ADGRB1: variants seen among roughly 807,000 people sequenced by gnomAD.
The protein encoded by ADGRB1 is brain-specific angiogenesis inhibitor 1.
ADGRB1 carries 36 observed loss-of-function variants against 175.7 expected under a neutral mutation model. The observed-to-expected ratio is 0.20, with a 90% CI of 0.16 to 0.27. The LOEUF (loss-of-function observed/expected upper bound fraction) is 0.27, where lower values mean the gene tolerates loss of function less well. Among genes scored for constraint, ADGRB1 ranks in the 10% least tolerant of loss-of-function variants. The pLI is 1.00. For missense variants in ADGRB1, 1,731 were observed against 2,255.3 expected (o/e 0.77, Z 4.71); for synonymous variants, 1,054 against 979.4 (o/e 1.08, Z -1.42).
chr8:142,543,513 C>G lies in ADGRB1; in HGVS notation c.4449+75C>G. ...TGGGCTCCCACACGGCCAGGCAGCT[C>G]CCCGGCAGCCAGGGGACGGGCGGGG... On this transcript the variant is annotated intron_variant, in intron 29 of 30. Coordinates refer to ENST00000517894, the MANE Select transcript of ADGRB1 (RefSeq NM_001702.3). The surrounding 1 kb of genome is among the most constrained non-coding windows in gnomAD (Gnocchi z 4.4). 1.9e-6 allele frequency: 3 copies of G among 1,606,074 alleles called. No homozygotes were observed. The South Asian group carries it at 3.3e-5, about 18-fold the overall frequency.
At chr8:142,535,262 C>G (rs1463463169) in intron 25 of ADGRB1, among the ~76,000 whole-genome samples, 1 of 152,174 alleles carries the variant, frequency 6.6e-6, no homozygotes, top group African/African-American at 2.4e-5. Flanking sequence ...GAGCCCAGGG[C>G]CAGCTGGAGC....
In ADGRB1 at chr8:142,537,092, A is replaced by C. The variant is rs374674214; in HGVS notation, c.3666+10A>C. ...CCACGCCCAGCTCATGGTAGGACTC[A>C]GGGCCCGGGGACTCAGGCTGCCCTA... On this transcript the variant is annotated intron_variant, in intron 26 of 30. Coordinates refer to ENST00000517894, the MANE Select transcript of ADGRB1 (RefSeq NM_001702.3). This position sits in a 1 kb window ranked among gnomAD's most constrained non-coding sequence, Gnocchi z 4.6. The C allele has an allele frequency of 1.7e-4, 259 of 1,497,916 alleles. 1 individual carries two copies. The highest frequency in any genetic ancestry group is 2.0e-4 in the Non-Finnish European group (226 of 1,120,812). 92.8% of individuals were successfully genotyped at this position (1,497,916 alleles called of 1,614,324 possible).
chr8:142,517,764 G>A (rs971629091), intron 18 of ADGRB1, among the ~76,000 whole-genome samples: 2 of 152,162 alleles, frequency 1.3e-5, no homozygotes, highest in Non-Finnish European at 2.9e-5. Context: ...AGGACTGTGC[G>A]TGTGGGTGGG....
chr8:142,508,936 C>T (rs1313362681), intron 17 of ADGRB1, among the ~76,000 whole-genome samples: 1 of 152,250 alleles, frequency 6.6e-6, no homozygotes, highest in Non-Finnish European at 1.5e-5. Context: ...GAACCTCAGG[C>T]CGGCTCCCGG....
intron 17 of ADGRB1, among the ~76,000 whole-genome samples, chr8:142,508,780 C>A (rs1249510847): frequency 6.6e-6 from 1 of 152,236 alleles, no homozygotes; most frequent in East Asian, 1.9e-4. Flanking sequence ...CCACGTGCCT[C>A]TGTGGCTTCC....
Position 142,477,248 on chromosome 8 carries a change from C to T in ADGRB1, c.1192C>T (p.Arg398Trp). ...TQCSGPLREQ[R>W]LCNNSAVCPV... is the part of the protein sequence containing the mutation. ...GTGCAGCGGACCCCTGCGCGAGCAG[C>T]GGCTGTGCAACAACTCTGCCGTGTG... Residue 398 changes from arginine to tryptophan, a missense_variant, in exon 5 of 31, where the codon CGG becomes TGG. Physicochemically the swap from Arg to Trp is moderately radical, Grantham distance 101. Coordinates refer to ENST00000517894, the MANE Select transcript of ADGRB1 (RefSeq NM_001702.3). The T allele has an allele frequency of 6.3e-7, 1 of 1,589,504 alleles. No homozygotes were observed. Among genetic ancestry groups the T allele is most frequent in the Non-Finnish European group, 8.5e-7 (1 of 1,169,728 alleles).
intron 15 of ADGRB1, 92 bp from the exon 16 acceptor site, chr8:142,489,244 G>T: frequency 6.4e-7 from 1 of 1,557,768 alleles, no homozygotes; most frequent in Non-Finnish European, 8.8e-7. Context: ...GGTGGCGGCG[G>T]GTACAGGGGC....
At position 142,543,482 on chromosome 8, in the gene ADGRB1, G is replaced by A; in HGVS notation, c.4449+44G>A. ...CCCCACCAGACACTTAGGGCCAGAT[G>A]TGCTCTGGGCTCCCACACGGCCAGG... On this transcript the variant is annotated intron_variant, in intron 29 of 30. Coordinates refer to ENST00000517894, the MANE Select transcript of ADGRB1 (RefSeq NM_001702.3). The surrounding 1 kb of genome is among the most constrained non-coding windows in gnomAD (Gnocchi z 4.4). 1 of 1,612,504 alleles carries A rather than the reference G, an allele frequency of 6.2e-7. No individual in the cohort carries two copies. Among genetic ancestry groups the A allele is most frequent in the Non-Finnish European group, 8.5e-7 (1 of 1,179,230 alleles).
chr8:142,468,614 C>A (rs1164101957), intron 2 of ADGRB1, among the ~76,000 whole-genome samples: 2 of 152,208 alleles, frequency 1.3e-5, no homozygotes, highest in African/African-American at 4.8e-5. Context: ...GAGATAGGCT[C>A]CTGTGGAGGC....
intron 23 of ADGRB1, among the ~76,000 whole-genome samples, chr8:142,525,197 C>T (rs1031897049): frequency 3.3e-5 from 5 of 151,934 alleles, no homozygotes; most frequent in Admixed American, 3.3e-4. Flanking sequence ...CAGTGGGGCG[C>T]CATCCTTGGG....
At position 142,481,609 on chromosome 8, in the gene ADGRB1, G is replaced by A. The variant is rs779163601; in HGVS notation, c.2028G>A (p.Gly676=). 1 of 1,604,710 alleles carries A rather than the reference G, an allele frequency of 6.2e-7. No homozygotes were observed. Among genetic ancestry groups the A allele is most frequent in the Admixed American group, 1.7e-5 (1 of 58,898 alleles). The stretch of plus-strand genomic sequence containing the variant: ...CACTGGTGGAGATCTCTCAGGACGG[G>A]ACCAGCTACAGTGGGGACCTGCTGT... ...IQTLVEISQD[G]TSYSGDLLST... Residue 676 remains glycine, a synonymous_variant, in exon 11 of 31, where the codon GGG becomes GGA. Coordinates refer to ENST00000517894, the MANE Select transcript of ADGRB1 (RefSeq NM_001702.3).
chr8:142,542,549 C>T lies in ADGRB1; in HGVS notation c.4315C>T (p.Leu1439=). ...CAATCTGGAGCCGGCACCCCCCAGC[C>T]TGGGGGATCCCGGGGAGCCTGCCGC... ...PPNLEPAPPS[L]GDPGEPAAHP... is the part of the protein sequence containing the mutation. Residue 1439 remains leucine, a synonymous_variant, in exon 28 of 31, where the codon CTG becomes TTG. Transcript: ENST00000517894. This position sits in a 1 kb window ranked among gnomAD's most constrained non-coding sequence, Gnocchi z 6.3. 1 of 1,523,698 alleles carries T rather than the reference C, an allele frequency of 6.6e-7. No individual in the cohort carries two copies. Among genetic ancestry groups the T allele is most frequent in the Non-Finnish European group, 8.8e-7 (1 of 1,136,316 alleles). 94.4% of individuals were successfully genotyped at this position (1,523,698 alleles called of 1,614,324 possible). A position where few individuals can be genotyped will look rare whatever the true frequency, so the allele number is the denominator to read the frequency against.
chr8:142,499,553 G>T (rs980502293), intron 17 of ADGRB1, among the ~76,000 whole-genome samples: 4 of 152,170 alleles, frequency 2.6e-5, no homozygotes, highest in Admixed American at 2.6e-4. Context: ...TGGAGTCCAC[G>T]CCAGGCCCCA....
At chr8:142,476,807 A>G in intron 4 of ADGRB1, 112 bp downstream of exon 4, 2 of 1,148,502 alleles carry the variant, frequency 1.7e-6, no homozygotes, top group African/African-American at 3.1e-5. Flanking sequence ...TAACTAGACT[A>G]AACCCTTAGG....
At chr8:142,484,103 G>A in intron 12 of ADGRB1, 58 bp downstream of exon 12, 1 of 1,506,972 alleles carries the variant, frequency 6.6e-7, no homozygotes, top group Non-Finnish European at 9.0e-7. Context: ...CACAGCTGGT[G>A]CCTCCCTGGT....
At chr8:142,481,926 G>C (rs1291928873) in intron 11 of ADGRB1, among the ~76,000 whole-genome samples, 1 of 147,928 alleles carries the variant, frequency 6.8e-6, no homozygotes, top group Non-Finnish European at 1.5e-5. Context: ...GCTGAGCCCT[G>C]ACCCTGGTCA....
At chr8:142,495,541 A>G (rs1019599620) in intron 17 of ADGRB1, among the ~76,000 whole-genome samples, 3 of 152,142 alleles carry the variant, frequency 2.0e-5, no homozygotes, top group Non-Finnish European at 4.4e-5. Context: ...TAGTAGGGCC[A>G]TGCTCCTTCC....
intron 9 of ADGRB1, 138 bp from the exon 10 acceptor site, chr8:142,481,116 C>T: frequency 1.4e-6 from 1 of 729,064 alleles, no homozygotes; most frequent in Non-Finnish European, 2.4e-6. Flanking sequence ...GGACTCTGCT[C>T]TCGGCGTGAG....
rs7827499 is a variant in ADGRB1 at position 142,474,120 on chromosome 8, A to G, written c.785-1354A>G. On this transcript the variant is annotated intron_variant, in intron 2 of 30. Coordinates refer to ENST00000517894, the MANE Select transcript of ADGRB1 (RefSeq NM_001702.3). This position sits in a 1 kb window ranked among gnomAD's most constrained non-coding sequence, Gnocchi z 5.8. ...GGTGGGGCCACTGGGGGAATCTGGC[A>G]GCTGGAGCTACCCTGGGGTCTCCTG... Among the ~76,000 whole-genome samples, 149,902 of 152,252 alleles carry G rather than the reference A, an allele frequency of 0.98. 73,810 individuals carry two copies. The highest frequency in any genetic ancestry group is 1 in the East Asian group (5,154 of 5,156).
Sources: allele counts gnomAD v4.1 joint callset (sites outside exome capture counted in the v4.1 genomes callset), GRCh38; gene constraint gnomAD v4.1.1; non-coding constraint Gnocchi (gnomAD v3.1); transcripts MANE v1.5; gene names NCBI Gene and HGNC (gene_info 2026-07-23, HGNC 2026-07-21).